RBFOX1: variants seen among roughly 807,000 people sequenced by gnomAD.
The protein encoded by RBFOX1 is RNA binding protein fox-1 homolog 1.
RBFOX1 carries 8 observed loss-of-function variants against 57.7 expected under a neutral mutation model. That is an observed-to-expected ratio of 0.14 (90% CI 0.08 to 0.25). The LOEUF (loss-of-function observed/expected upper bound fraction) is 0.25. RBFOX1 is among the 10% of genes least tolerant of loss of function. The pLI is 1.00. For missense variants in RBFOX1, 611 were observed against 548.5 expected, an observed-to-expected ratio of 1.11 and a Z score of -1.14; for synonymous variants, 326 against 222.4, an observed-to-expected ratio of 1.47 and a Z score of -4.15.
intron 4 of RBFOX1, among the ~76,000 whole-genome samples, chr16:7,136,341 C>T (rs575650964): frequency 6.6e-6 from 1 of 151,318 alleles, no homozygotes; most frequent in East Asian, 1.9e-4. Flanking sequence ...CCCCCTGTGA[C>T]TAGTAGCTGT....
chr16:6,770,418 T>C (rs1471146106), intron 3 of RBFOX1, among the ~76,000 whole-genome samples: 1 of 152,202 alleles, frequency 6.6e-6, no homozygotes, highest in African/African-American at 2.4e-5. Flanking sequence ...AATAAAGTTG[T>C]ATTATGTATA....
At chr16:6,307,761 GTT>G (rs1194886641) in intron 1 of RBFOX1, among the ~76,000 whole-genome samples, 1 of 145,476 alleles carries the variant, frequency 6.9e-6, no homozygotes, top group Middle Eastern at 9.8e-3. Context: ...CATGATGATT[GTT>G]TATATTATTT....
chr16:7,137,213 C>T (rs2072274157), intron 4 of RBFOX1, among the ~76,000 whole-genome samples: 1 of 152,298 alleles, frequency 6.6e-6, no homozygotes, highest in Middle Eastern at 3.4e-3. Flanking sequence ...TCTTCTGGTG[C>T]ACACTAGGAA....
chr16:6,103,340 A>C (rs2152561222), intron 1 of RBFOX1, among the ~76,000 whole-genome samples: 1 of 152,274 alleles, frequency 6.6e-6, no homozygotes. Flanking sequence ...TCCCTTCATA[A>C]GTATTTTTGT....
intron 1 of RBFOX1, among the ~76,000 whole-genome samples, chr16:6,296,373 G>A (rs2078103333): frequency 6.6e-6 from 1 of 151,888 alleles, no homozygotes; most frequent in South Asian, 2.1e-4. Context: ...GGGTATAAAG[G>A]CAGTTTCACC....
At chr16:6,694,140 A>G (rs1358776293) in intron 3 of RBFOX1, among the ~76,000 whole-genome samples, 2 of 152,216 alleles carry the variant, frequency 1.3e-5, no homozygotes, top group Admixed American at 6.5e-5. Context: ...TAACCTCATC[A>G]TGACTCTGCC....
chr16:5,319,099 C>G (rs562011653), intron 1 of RBFOX1, among the ~76,000 whole-genome samples: 5 of 152,228 alleles, frequency 3.3e-5, no homozygotes, highest in South Asian at 2.1e-4. Context: ...TGCACTCCAG[C>G]CTGGGCAACA....
At chr16:6,970,402 C>G (rs1401813600) in intron 3 of RBFOX1, among the ~76,000 whole-genome samples, 2 of 152,182 alleles carry the variant, frequency 1.3e-5, no homozygotes, top group Admixed American at 6.5e-5. Flanking sequence ...TAATGTTTCA[C>G]TGACTTAGTC....
chr16:6,856,588 C>G lies in RBFOX1; in HGVS notation c.-15-195469C>G, dbSNP rs184344916. Among the ~76,000 whole-genome samples the G allele has an allele frequency of 8.5e-5, 13 of 152,274 alleles. 1 individual carries two copies. The highest frequency in any genetic ancestry group is 3.1e-4 in the African/African-American group (13 of 41,566). On this transcript the variant is annotated intron_variant, in intron 3 of 15. Transcript: ENST00000550418. ...CCCATCAGGTGATATTCTGTCCCTT[C>G]AGGCCACCGTGGAATTCATTAAAGA...
intron 14 of RBFOX1, among the ~76,000 whole-genome samples, chr16:7,689,279 C>A (rs1014043837): frequency 2.6e-5 from 4 of 152,090 alleles, no homozygotes; most frequent in African/African-American, 7.2e-5. Context: ...GGTAATCCTT[C>A]CTCTTCTCCA....
chr16:7,339,034 CA>C (rs746616793), intron 4 of RBFOX1, among the ~76,000 whole-genome samples: 46 of 152,276 alleles, frequency 3.0e-4, no homozygotes, highest in Admixed American at 8.5e-4. Context: ...GCCATGTCAA[CA>C]GCGGACTAAA....
At chr16:6,954,168 T>C (rs906914665) in intron 3 of RBFOX1, among the ~76,000 whole-genome samples, 1 of 152,286 alleles carries the variant, frequency 6.6e-6, no homozygotes, top group East Asian at 1.9e-4. Context: ...TTTTGATTTA[T>C]TTTGATGTCA....
chr16:7,088,572 T>G (rs2060335150), intron 4 of RBFOX1, among the ~76,000 whole-genome samples: 1 of 151,652 alleles, frequency 6.6e-6, no homozygotes, highest in African/African-American at 2.4e-5. Flanking sequence ...CGTATTAAAA[T>G]AAGAGCAATG....
intron 2 of RBFOX1, among the ~76,000 whole-genome samples, chr16:6,545,500 G>T (rs976923844): frequency 5.9e-5 from 9 of 152,046 alleles, no homozygotes; most frequent in African/African-American, 2.2e-4. Context: ...TCTGCCAGAG[G>T]ATGCCTCCTG....
chr16:6,839,259 A>G (rs889613959), intron 3 of RBFOX1, among the ~76,000 whole-genome samples: 3 of 152,136 alleles, frequency 2.0e-5, no homozygotes, highest in Non-Finnish European at 4.4e-5. Context: ...TGCTGGGATT[A>G]CAGGCAAGAG....
At chr16:6,203,665 A>G (rs764523913) in intron 1 of RBFOX1, among the ~76,000 whole-genome samples, 2 of 152,212 alleles carry the variant, frequency 1.3e-5, no homozygotes, top group Non-Finnish European at 2.9e-5. Flanking sequence ...GGGCTGTTAT[A>G]GAAACAAACA....
intron 3 of RBFOX1, among the ~76,000 whole-genome samples, chr16:5,767,966 T>G (rs551310620): frequency 3.9e-4 from 59 of 152,242 alleles, no homozygotes; most frequent in African/African-American, 1.3e-3. Flanking sequence ...GTATATATTT[T>G]TCAGTTAAAA....
intron 2 of RBFOX1, among the ~76,000 whole-genome samples, chr16:5,475,097 C>T (rs886894058): frequency 6.6e-6 from 1 of 152,076 alleles, no homozygotes; most frequent in Non-Finnish European, 1.5e-5. Context: ...GGATGGATTT[C>T]GTTTATTCAG....
chr16:7,693,176 G>A (rs2077751529), intron 14 of RBFOX1: 4 of 662,240 alleles, frequency 6.0e-6, no homozygotes. Context: ...AAACTCTGAG[G>A]TACATCAGCA....
Sources: gnomAD v4.1 joint callset for allele counts (sites outside exome capture counted in the v4.1 genomes callset) on GRCh38, gnomAD v4.1.1 for gene constraint, MANE v1.5 for transcripts, NCBI Gene and HGNC (gene_info 2026-07-23, HGNC 2026-07-21) for gene names.